PIAS2: variants seen among roughly 807,000 people sequenced by gnomAD.
PIAS2 encodes protein inhibitor of activated STAT 2.
PIAS2 carries 19 observed loss-of-function variants against 69.7 expected under a neutral mutation model. The observed-to-expected ratio is 0.27, with a 90% CI of 0.19 to 0.40. The LOEUF is 0.40. Ranked by LOEUF, PIAS2 falls within the 10% of genes least tolerant of loss-of-function variation. The pLI is 1.00. For synonymous variants in PIAS2, 261 were observed against 263.2 expected (o/e 0.99, Z 0.08); for missense variants, 624 against 757.0 (o/e 0.82, Z 2.06).
chr18:46,803,331 C>A lies in PIAS2; in HGVS notation c.*9102G>T, dbSNP rs1463590465. ...AAGTTTTTTAAAAAATGGATACTTA[C>A]TTTTTTAGGTTGTATCAGCAGCTTT... is the stretch of plus-strand genomic sequence containing the variant. On this transcript the variant is annotated 3_prime_UTR_variant, in exon 14 of 14. Transcript: ENST00000585916. 1.3e-5 allele frequency: 2 copies of A among 152,036 alleles called. No individual in the cohort carries two copies. Among genetic ancestry groups the A allele is most frequent in the Non-Finnish European group, 2.9e-5 (2 of 67,994 alleles). 9.4% of individuals were successfully genotyped at this position (152,036 alleles called of 1,614,324 possible). A position where few individuals can be genotyped will look rare whatever the true frequency, so the allele number is the denominator to read the frequency against.
chr18:46,880,167 G>A (rs928080137), intron 2 of PIAS2, among the ~76,000 whole-genome samples: 4 of 151,778 alleles, frequency 2.6e-5, no homozygotes, highest in South Asian at 2.1e-4. Context: ...AGGCCGAGAC[G>A]GGAGGATCCC....
chr18:46,898,440 A>G (rs913778099), intron 1 of PIAS2, among the ~76,000 whole-genome samples: 1 of 152,200 alleles, frequency 6.6e-6, no homozygotes, highest in Non-Finnish European at 1.5e-5. Flanking sequence ...CACCATGCCC[A>G]GCAAGGCAAT....
intron 1 of PIAS2, among the ~76,000 whole-genome samples, chr18:46,904,688 T>C (rs1005741260): frequency 2.9e-4 from 44 of 151,136 alleles, no homozygotes; most frequent in African/African-American, 1.1e-3. Flanking sequence ...GAGGTGGAGG[T>C]TGCAGTGAGC....
chr18:46,877,195 T>C (rs568523823), intron 2 of PIAS2, among the ~76,000 whole-genome samples: 129 of 152,270 alleles, frequency 8.5e-4, no homozygotes, highest in African/African-American at 3.0e-3. Context: ...CACCACCTTA[T>C]TCAGATAAGC....
chr18:46,888,334 G>T (rs2053529747), intron 2 of PIAS2, among the ~76,000 whole-genome samples: 2 of 150,596 alleles, frequency 1.3e-5, no homozygotes, highest in South Asian at 4.2e-4. Flanking sequence ...CAAATTTACA[G>T]ATTCACTACA....
At chr18:46,897,428 T>C (rs1235351648) in intron 1 of PIAS2, among the ~76,000 whole-genome samples, 2 of 152,138 alleles carry the variant, frequency 1.3e-5, no homozygotes, top group Non-Finnish European at 2.9e-5. Context: ...TAGCCTAAGA[T>C]GAGAAAATTT....
intron 11 of PIAS2, among the ~76,000 whole-genome samples, chr18:46,824,709 T>C (rs1021581570): frequency 3.9e-5 from 6 of 152,010 alleles, no homozygotes; most frequent in African/African-American, 1.4e-4. Flanking sequence ...TAAAAGATAG[T>C]TGCTCACAGG....
At chr18:46,828,163 T>TA in intron 10 of PIAS2, 33 bp from the exon 11 acceptor site, 1 of 1,563,014 alleles carries the variant, frequency 6.4e-7, no homozygotes, top group Non-Finnish European at 8.7e-7. Context: ...AAAAAAAAAT[T>TA]AAAGGTATAA....
chr18:46,898,248 C>G (rs1050538073), intron 1 of PIAS2, among the ~76,000 whole-genome samples: 2 of 152,082 alleles, frequency 1.3e-5, no homozygotes, highest in African/African-American at 4.8e-5. Flanking sequence ...ACCTCTGCCT[C>G]TGGGATTCTT....
At chr18:46,865,623 A>C (rs1753903865) in intron 2 of PIAS2, among the ~76,000 whole-genome samples, 1 of 152,168 alleles carries the variant, frequency 6.6e-6, no homozygotes, top group African/African-American at 2.4e-5. Context: ...ATCCAATGTC[A>C]GAGCGGTTCA....
rs982283800 is a variant in PIAS2 at position 46,804,922 on chromosome 18, A to G, written c.*7511T>C. 2 of 152,300 alleles carry G rather than the reference A, an allele frequency of 1.3e-5. No individual in the cohort carries two copies. Among genetic ancestry groups the G allele is most frequent in the African/African-American group, 2.4e-5 (1 of 41,454 alleles). The allele number at this position is 152,300 out of a possible 1,614,324, so 9.4% of individuals were successfully genotyped here. ...CAGTAGAGAGGTGAGAGACATGGAG[A>G]TAAGAGAGGGGAAGTCTGACAGAGG... On this transcript the variant is annotated 3_prime_UTR_variant, in exon 14 of 14. Transcript: ENST00000585916.
At chr18:46,858,181 C>A in intron 3 of PIAS2, among the ~76,000 whole-genome samples, 1 of 147,402 alleles carries the variant, frequency 6.8e-6, no homozygotes, top group East Asian at 2.0e-4. Context: ...AAAGCCTAGT[C>A]AGAGTACAGG....
chr18:46,851,821 G>A (rs903169844), intron 5 of PIAS2, among the ~76,000 whole-genome samples: 2 of 152,138 alleles, frequency 1.3e-5, no homozygotes, highest in African/African-American at 4.8e-5. Context: ...ACTGCCATGG[G>A]TCCATAAAGA....
At chr18:46,882,951 G>C (rs1173813337) in intron 2 of PIAS2, among the ~76,000 whole-genome samples, 1 of 151,944 alleles carries the variant, frequency 6.6e-6, no homozygotes, top group African/African-American at 2.4e-5. Flanking sequence ...AATTAGCCAG[G>C]CCTGGTGGCG....
chr18:46,883,556 A>T (rs2052644842), intron 2 of PIAS2, among the ~76,000 whole-genome samples: 1 of 152,012 alleles, frequency 6.6e-6, no homozygotes, highest in Non-Finnish European at 1.5e-5. Context: ...AAAAAATCAA[A>T]GCCTGGCAGA....
rs1171297653 is a variant in PIAS2, at chr18:46,855,997, G to GTTTTTTTT, written c.585-390_585-383dup. On this transcript the variant is annotated intron_variant, in intron 3 of 13. Coordinates refer to ENST00000585916, the MANE Select transcript of PIAS2 (RefSeq NM_004671.5). ...TTGAAGACTTTTTTCTTTTTCTTTT[G>GTTTTTTTT]TTTTTTTTTTTTTTTTTTTTTTTTT... Among the ~76,000 whole-genome samples the GTTTTTTTT allele has an allele frequency of 1.4e-3, 94 of 67,968 alleles. 8 individuals carry two copies. Among genetic ancestry groups the GTTTTTTTT allele is most frequent in the African/African-American group, 1.9e-3 (31 of 16,684 alleles). 44.6% of individuals were successfully genotyped at this position (67,968 alleles called of 152,430 possible). A position where few individuals can be genotyped will look rare whatever the true frequency, so the allele number is the denominator to read the frequency against.
At chr18:46,918,718 G>A (rs866026554), upstream of PIAS2, among the ~76,000 whole-genome samples, 74 of 152,100 alleles carry the variant, frequency 4.9e-4, no homozygotes, top group Middle Eastern at 6.8e-3. Flanking sequence ...CACTGCACCC[G>A]GCCTCCCCTC....
intron 11 of PIAS2, among the ~76,000 whole-genome samples, chr18:46,824,840 A>C (rs1262489008): frequency 8.4e-6 from 1 of 119,310 alleles, no homozygotes; most frequent in Non-Finnish European, 1.8e-5. Flanking sequence ...CCATGTTTAC[A>C]AAAAAAAAAA....
Position 46,843,911 on chromosome 18 carries a change from T to G in PIAS2, c.1041+143A>C, listed in dbSNP as rs1274243938. On this transcript the variant is annotated intron_variant, in intron 8 of 13. Coordinates refer to ENST00000585916, the MANE Select transcript of PIAS2 (RefSeq NM_004671.5). ...CCAAATAATACAAAGAATTGTGACT[T>G]AATCATGAAGATTCCTTAATGGGAA... 9 of 520,146 alleles carry G rather than the reference T, an allele frequency of 1.7e-5. No individual in the cohort carries two copies. The Admixed American group carries it at 2.5e-4, about 15-fold the overall frequency. 32.2% of individuals were successfully genotyped at this position (520,146 alleles called of 1,614,324 possible).
Sources: allele counts gnomAD v4.1 joint callset (sites outside exome capture counted in the v4.1 genomes callset), GRCh38; gene constraint gnomAD v4.1.1; transcripts MANE v1.5; gene names NCBI Gene and HGNC (gene_info 2026-07-23, HGNC 2026-07-21).